TRPM3: variants seen among roughly 807,000 people sequenced by gnomAD.
TRPM3 encodes the protein transient receptor potential cation channel subfamily M member 3, also known as long transient receptor potential channel 3.
In TRPM3, 77 loss-of-function variants were observed where a neutral mutation model predicts 181.2. That is an observed-to-expected ratio of 0.42 (90% confidence interval 0.35 to 0.51). The LOEUF (loss-of-function observed/expected upper bound fraction) is 0.51, where lower values mean the gene tolerates loss of function less well. TRPM3 is among the 20% of genes least tolerant of loss of function. The pLI is 0.01. For synonymous variants in TRPM3, 745 were observed against 796.4 expected (o/e 0.94, Z 1.09); for missense variants, 1,759 against 2,196.7 (o/e 0.80, Z 3.98).
At position 70,620,210 on chromosome 9, in the gene TRPM3, C is replaced by G. The variant is rs1439192145; in HGVS notation, c.1995G>C (p.Leu665=). The G allele has an allele frequency of 6.2e-7, 1 of 1,614,262 alleles. No individual in the cohort carries two copies. The highest frequency in any genetic ancestry group is 1.1e-5 in the South Asian group (1 of 91,088). Residue 665 remains leucine (L), a synonymous_variant, in exon 16 of 26, where the codon CTG becomes CTC. Transcript: ENST00000677713. ...AVLMKRQKMA[L]FFWQHGEEAM... ...CCTCCTCACCGTGCTGCCAGAAGAA[C>G]AGGGCCATCTTCTGCCGCTTCATGA... is the stretch of plus-strand genomic sequence containing the variant.
intron 7 of TRPM3, among the ~76,000 whole-genome samples, chr9:70,781,111 G>A (rs1254980658): frequency 6.6e-6 from 1 of 152,030 alleles, no homozygotes; most frequent in East Asian, 1.9e-4. Flanking sequence ...GGATCACGAG[G>A]TTAGGAGATC....
intron 3 of TRPM3, among the ~76,000 whole-genome samples, chr9:70,856,991 G>T (rs1303500730): frequency 6.6e-6 from 1 of 152,160 alleles, no homozygotes; most frequent in African/African-American, 2.4e-5. Flanking sequence ...CCCAGATGTA[G>T]AAGAGTCTTT....
chr9:71,139,795 C>T (rs1160023456), intron 1 of TRPM3, among the ~76,000 whole-genome samples: 3 of 152,154 alleles, frequency 2.0e-5, no homozygotes, highest in Non-Finnish European at 4.4e-5. Context: ...CTGACATTCT[C>T]AACCTCTTTC....
chr9:70,540,238 A>C (rs2042941677), intron 25 of TRPM3, among the ~76,000 whole-genome samples: 1 of 152,206 alleles, frequency 6.6e-6, no homozygotes, highest in Admixed American at 6.5e-5. Flanking sequence ...AACATACTTT[A>C]GGTATTGGGT....
intron 5 of TRPM3, among the ~76,000 whole-genome samples, chr9:70,835,437 T>C (rs1444460282): frequency 1.3e-5 from 2 of 152,096 alleles, no homozygotes; most frequent in African/African-American, 4.8e-5. Context: ...GGATGCATCA[T>C]AGTTTCATAA....
intron 5 of TRPM3, among the ~76,000 whole-genome samples, chr9:70,836,663 T>G (rs1480311295): frequency 1.3e-5 from 2 of 152,192 alleles, no homozygotes; most frequent in Non-Finnish European, 2.9e-5. Context: ...GACATTGCTT[T>G]GGTCTCCTTT....
At chr9:71,343,922 C>A (rs796679272) in intron 1 of TRPM3, among the ~76,000 whole-genome samples, 14 of 152,104 alleles carry the variant, frequency 9.2e-5, no homozygotes, top group African/African-American at 3.4e-4. Flanking sequence ...CATGAAGGGG[C>A]ACCTACTGGC....
intron 1 of TRPM3, among the ~76,000 whole-genome samples, chr9:71,021,110 A>G (rs2097843522): frequency 6.6e-6 from 1 of 152,202 alleles, no homozygotes; most frequent in African/African-American, 2.4e-5. Flanking sequence ...AATGTTAAGT[A>G]AAAGAATCCA....
At chr9:71,097,528 A>G (rs1372002791) in intron 1 of TRPM3, among the ~76,000 whole-genome samples, 3 of 152,130 alleles carry the variant, frequency 2.0e-5, no homozygotes, top group African/African-American at 7.2e-5. Context: ...TACTTATCAC[A>G]GAGAACTTTC....
intron 1 of TRPM3, among the ~76,000 whole-genome samples, chr9:71,082,252 A>G (rs576152471): frequency 1.6e-4 from 24 of 152,294 alleles, no homozygotes; most frequent in African/African-American, 5.5e-4. Context: ...TTTAGATTTG[A>G]TTATGTAGTG....
chr9:70,758,429 C>T (rs2077478107), intron 8 of TRPM3, among the ~76,000 whole-genome samples: 1 of 152,162 alleles, frequency 6.6e-6, no homozygotes, highest in East Asian at 1.9e-4. Flanking sequence ...AGATTTAATG[C>T]TATCCCCATC....
rs549463532 is a variant in TRPM3, at chr9:71,115,502, A to T, written c.177+5676T>A. Among the ~76,000 whole-genome samples, 5 of 152,312 alleles carry T rather than the reference A, an allele frequency of 3.3e-5. No individual in the cohort carries two copies. In the South Asian group the frequency reaches 1.0e-3, roughly 32 times the overall value. ...TGCTAGATAATGGAAAGGGAGAAAA[A>T]ATATGATCTGAAAATTAATTTGGAG... On this transcript the variant is annotated intron_variant, in intron 1 of 25. Transcript: ENST00000677713.
At chr9:71,144,335 C>A (rs2075292847) in intron 1 of TRPM3, among the ~76,000 whole-genome samples, 1 of 152,158 alleles carries the variant, frequency 6.6e-6, no homozygotes, top group Non-Finnish European at 1.5e-5. Flanking sequence ...CCTTTCCAAG[C>A]CTTTTTAATC....
At chr9:70,653,677 C>CAAAAAAA (rs71507003) in intron 9 of TRPM3, among the ~76,000 whole-genome samples, 1 of 103,146 alleles carries the variant, frequency 9.7e-6, no homozygotes, top group Non-Finnish European at 2.1e-5. Flanking sequence ...CTTCCTGTCT[C>CAAAAAAA]AAAAAAAAAA....
intron 1 of TRPM3, among the ~76,000 whole-genome samples, chr9:71,260,839 G>A (rs2083001566): frequency 6.6e-6 from 1 of 152,202 alleles, no homozygotes; most frequent in Non-Finnish European, 1.5e-5. Flanking sequence ...GAGATAATTT[G>A]ACTTCCCCTT....
chr9:70,977,699 T>C (rs1025802327), intron 1 of TRPM3, among the ~76,000 whole-genome samples: 4 of 152,176 alleles, frequency 2.6e-5, no homozygotes, highest in Non-Finnish European at 4.4e-5. Flanking sequence ...CACAGCTTCT[T>C]CCTTAGGTTC....
At chr9:70,752,070 A>G in intron 8 of TRPM3, among the ~76,000 whole-genome samples, 1 of 146,786 alleles carries the variant, frequency 6.8e-6, no homozygotes, top group African/African-American at 2.5e-5. Flanking sequence ...GCGCATACAC[A>G]TGTACATGCA....
chr9:71,428,049 G>C (rs1265808179), intron 1 of TRPM3, among the ~76,000 whole-genome samples: 2 of 152,106 alleles, frequency 1.3e-5, no homozygotes, highest in Non-Finnish European at 2.9e-5. Context: ...TCACAGGCAT[G>C]GTATAGTCCA....
At chr9:71,148,136 A>G (rs962411561) in intron 1 of TRPM3, among the ~76,000 whole-genome samples, 3 of 152,072 alleles carry the variant, frequency 2.0e-5, no homozygotes, top group African/African-American at 7.2e-5. Flanking sequence ...AATTTATTAC[A>G]GTTTACTTGT....
Sources: allele counts gnomAD v4.1 joint callset (sites outside exome capture counted in the v4.1 genomes callset), GRCh38; gene constraint gnomAD v4.1.1; transcripts MANE v1.5; gene names NCBI Gene and HGNC (gene_info 2026-07-23, HGNC 2026-07-21).